FAT4: variants seen among roughly 807,000 people sequenced by gnomAD.
FAT4 encodes the protein protocadherin Fat 4.
FAT4 carries 84 observed loss-of-function variants against 303.9 expected under a neutral mutation model. The ratio of observed to expected loss-of-function variants is 0.28; its 90% CI spans 0.23 to 0.33. The LOEUF (loss-of-function observed/expected upper bound fraction) is 0.33. Among genes scored for constraint, FAT4 ranks in the 10% least tolerant of loss-of-function variants. The pLI, the probability that FAT4 is intolerant of heterozygous loss-of-function variation, is 1.00. For synonymous variants in FAT4, 2,307 were observed against 2,298.8 expected, an observed-to-expected ratio of 1.00 and a Z score of -0.10; for missense variants, 6,005 against 6,146.8, an observed-to-expected ratio of 0.98 and a Z score of 0.77.
chr4:125,452,582 G>C lies in FAT4; in HGVS notation c.11572G>C (p.Gly3858Arg). ...ATGCAAGTGTCTGCCAGGATATGCGGGTAGCTGGTGTGAAATAGATATAGA... is the reference window on the plus strand; with the variant it reads ...ATGCAAGTGTCTGCCAGGATATGCGCGTAGCTGGTGTGAAATAGATATAGA... ...FLCKCLPGYAGSWCEIDIDEC... is the reference protein window; with the variant it reads ...FLCKCLPGYARSWCEIDIDEC... Residue 3858 changes from glycine to arginine, a missense_variant, in exon 10 of 18, where the codon GGT becomes CGT. Transcript: ENST00000394329. 6.2e-7 allele frequency: 1 copy of C among 1,614,174 alleles called. No individual in the cohort carries two copies. The highest frequency in any genetic ancestry group is 8.5e-7 in the Non-Finnish European group (1 of 1,180,040).
chr4:125,333,571 C>T (rs1427527063), intron 2 of FAT4, among the ~76,000 whole-genome samples: 14 of 152,110 alleles, frequency 9.2e-5, no homozygotes, highest in Admixed American at 8.5e-4. Flanking sequence ...AATATCCCTA[C>T]TGGGTTTTTT....
At chr4:125,445,149 A>G (rs1725783508) in intron 8 of FAT4, among the ~76,000 whole-genome samples, 1 of 152,114 alleles carries the variant, frequency 6.6e-6, no homozygotes, top group African/African-American at 2.4e-5. Flanking sequence ...TACTGAAGCC[A>G]TTTCTCAACC....
intron 3 of FAT4, among the ~76,000 whole-genome samples, chr4:125,402,243 G>T (rs1005181559): frequency 1.3e-5 from 2 of 151,810 alleles, no homozygotes; most frequent in African/African-American, 4.8e-5. Flanking sequence ...AACCATTTTT[G>T]TAATAGCATT....
rs1181581377 is a variant in FAT4, at chr4:125,415,255, A to T, written c.6292A>T (p.Ser2098Cys). ...GCTGAACCCTTTGGGAAACAAGTTC[A>T]GTATTGGGACCATTGATGGTGAAGT... The part of the protein sequence containing the change: ...TLLNPLGNKF[S>C]IGTIDGEVRL... The change falls in exon 6 of 18, where the codon AGT (serine) becomes TGT (cysteine). Residue 2098 changes from serine (S) to cysteine (C), a missense_variant. By Grantham distance (112) the Ser-to-Cys change is moderately radical. Transcript: ENST00000394329. The T allele has an allele frequency of 1.9e-6, 3 of 1,614,000 alleles. No individual in the cohort carries two copies. The highest frequency in any genetic ancestry group is 2.5e-6 in the Non-Finnish European group (3 of 1,180,010).
At chr4:125,474,128 TCTC>T (rs1264190170) in intron 12 of FAT4, among the ~76,000 whole-genome samples, 1 of 152,032 alleles carries the variant, frequency 6.6e-6, no homozygotes, top group Non-Finnish European at 1.5e-5. Context: ...AAATAAAACA[TCTC>T]CTCCATTATT....
intron 14 of FAT4, among the ~76,000 whole-genome samples, chr4:125,478,540 T>C (rs1057455981): frequency 6.6e-6 from 1 of 152,140 alleles, no homozygotes; most frequent in Non-Finnish European, 1.5e-5. Flanking sequence ...TGTTTGTTTG[T>C]TTGCTTTTTG....
At chr4:125,447,203 T>C (rs533889967) in intron 9 of FAT4, among the ~76,000 whole-genome samples, 12 of 152,206 alleles carry the variant, frequency 7.9e-5, no homozygotes, top group East Asian at 1.9e-4. Context: ...CTCTAAGAAC[T>C]GCACAAATCT....
intron 5 of FAT4, among the ~76,000 whole-genome samples, chr4:125,411,726 AT>A (rs1256448938): frequency 3.4e-5 from 5 of 147,122 alleles, no homozygotes; most frequent in African/African-American, 1.2e-4. Flanking sequence ...ATATTTTACT[AT>A]TTATATATAT....
intron 10 of FAT4, 151 bp downstream of exon 10, chr4:125,452,961 T>C: frequency 1.0e-6 from 1 of 995,936 alleles, no homozygotes; most frequent in Non-Finnish European, 1.4e-6. Context: ...CAAATACTGT[T>C]CTAAGCACTT....
intron 2 of FAT4, among the ~76,000 whole-genome samples, chr4:125,389,542 A>G (rs1452332822): frequency 6.6e-6 from 1 of 152,186 alleles, no homozygotes; most frequent in Non-Finnish European, 1.5e-5. Flanking sequence ...TGGGCCTGCA[A>G]CAGACTTGTG....
At chr4:125,425,541 A>G (rs940099165) in intron 7 of FAT4, among the ~76,000 whole-genome samples, 3 of 152,138 alleles carry the variant, frequency 2.0e-5, no homozygotes, top group African/African-American at 7.2e-5. Context: ...ATATTCATGA[A>G]TTAGAAATCA....
Position 125,451,474 on chromosome 4 carries a change from G to T in FAT4, c.10464G>T (p.Gly3488=). 6.2e-7 allele frequency: 1 copy of T among 1,614,036 alleles called. No homozygotes were observed. The stretch of plus-strand genomic sequence containing the variant: ...TCTCAGTTTTGGCTGTTGATTCAGG[G>T]ACCCCCTCAGCTACAGGTAGTGCCT... The part of the protein sequence containing the change: ...YNLSVLAVDS[G]TPSATGSASL... Residue 3488 remains glycine (G), a synonymous_variant, in exon 10 of 18, where the codon GGG becomes GGT. Transcript: ENST00000394329.
intron 11 of FAT4, among the ~76,000 whole-genome samples, chr4:125,468,255 C>A (rs982647205): frequency 6.6e-6 from 1 of 152,052 alleles, no homozygotes; most frequent in East Asian, 1.9e-4. Context: ...TTTTGAGAAA[C>A]AAAACATACT....
Position 125,450,902 on chromosome 4 carries a change from C to T in FAT4, c.9892C>T (p.Pro3298Ser), listed in dbSNP as rs1054386288. ...IQLKGTNEYV[P>S]RFVSKLYYFE... ...ATTAAAAGGGACAAATGAATATGTGCCCCGTTTTGTTTCCAAACTTTACTA... is the reference window on the plus strand; with the variant it reads ...ATTAAAAGGGACAAATGAATATGTGTCCCGTTTTGTTTCCAAACTTTACTA... Residue 3298 changes from proline (P) to serine (S), a missense_variant, in exon 10 of 18, where the codon CCC becomes TCC. Physicochemically the swap from Pro to Ser is moderately conservative, Grantham distance 74. Coordinates refer to ENST00000394329, the MANE Select transcript of FAT4 (RefSeq NM_001291303.3). 6.2e-7 allele frequency: 1 copy of T among 1,614,088 alleles called. No individual in the cohort carries two copies. The highest frequency in any genetic ancestry group is 8.5e-7 in the Non-Finnish European group (1 of 1,180,006).
In FAT4 at chr4:125,440,610, T is replaced by TGTGTGTGTGTGTGTGA. The variant is rs372756130; in HGVS notation, c.7200-5682_7200-5681insTGTGTGTGTGTGTGAG. ...GTGTGTGTGTGTGTGTGTGTGTGTG[T>TGTGTGTGTGTGTGTGA]GAGAGAGAGAGAGAGAGAGAGAGAG... is the stretch of plus-strand genomic sequence containing the variant. On this transcript the variant is annotated intron_variant, in intron 8 of 17. Transcript: ENST00000394329. Among the ~76,000 whole-genome samples the TGTGTGTGTGTGTGTGA allele has an allele frequency of 2.4e-4, 18 of 75,746 alleles. No homozygotes were observed. In the Admixed American group the frequency reaches 2.9e-3, roughly 12 times the overall value. The allele number at this position is 75,746 out of a possible 152,430, so 49.7% of individuals were successfully genotyped here. A position where few individuals can be genotyped will look rare whatever the true frequency, so the allele number is the denominator to read the frequency against.
At chr4:125,414,232 A>G (rs1055399468) in intron 5 of FAT4, among the ~76,000 whole-genome samples, 33 of 152,266 alleles carry the variant, frequency 2.2e-4, no homozygotes, top group African/African-American at 7.7e-4. Flanking sequence ...AAAAAATGAC[A>G]CATGATCCTA....
At chr4:125,433,441 C>A (rs1055190808) in intron 7 of FAT4, among the ~76,000 whole-genome samples, 1 of 152,166 alleles carries the variant, frequency 6.6e-6, no homozygotes, top group East Asian at 1.9e-4. Context: ...ACACAACCAA[C>A]AGCAGATAAT....
chr4:125,320,095 A>G lies in FAT4; in HGVS notation c.3684A>G (p.Gln1228=), dbSNP rs2125943758. 4 of 1,613,916 alleles carry G rather than the reference A, an allele frequency of 2.5e-6. No individual in the cohort carries two copies. Among genetic ancestry groups the G allele is most frequent in the Non-Finnish European group, 8.5e-7 (1 of 1,179,842 alleles). ...CAGAATCAGCAGCCAATCTGACACAAGTGTTAAGAGTATCTGCCTCAGATG... is the reference window on the plus strand; with the variant it reads ...CAGAATCAGCAGCCAATCTGACACAGGTGTTAAGAGTATCTGCCTCAGATG... ...TISESAANLT[Q]VLRVSASDVD... is the part of the protein sequence containing the mutation. Residue 1228 remains glutamine, a synonymous_variant, in exon 2 of 18, where the codon CAA becomes CAG. Coordinates refer to ENST00000394329, the MANE Select transcript of FAT4 (RefSeq NM_001291303.3).
chr4:125,481,324 G>C (rs1006227239), intron 15 of FAT4, among the ~76,000 whole-genome samples, 197 bp from the exon 16 acceptor site: 5 of 152,150 alleles, frequency 3.3e-5, no homozygotes, highest in African/African-American at 1.2e-4. Flanking sequence ...TCATGGTTCT[G>C]AAATGCATTT....
Sources: allele counts gnomAD v4.1 joint callset (sites outside exome capture counted in the v4.1 genomes callset), GRCh38; gene constraint gnomAD v4.1.1; transcripts MANE v1.5; gene names NCBI Gene and HGNC (gene_info 2026-07-23, HGNC 2026-07-21).